Variants in PACSIN1 observed in about 807,000 individuals in gnomAD.
PACSIN1 encodes the protein protein kinase C and casein kinase substrate in neurons protein 1.
PACSIN1 carries 15 observed loss-of-function variants against 59.5 expected under a neutral mutation model. The ratio of observed to expected loss-of-function variants is 0.25; its 90% CI spans 0.17 to 0.39. PACSIN1 has a LOEUF of 0.39. PACSIN1 is among the 10% of genes least tolerant of loss of function. PACSIN1 has a pLI of 1.00. For synonymous variants in PACSIN1, 210 were observed against 220.6 expected (o/e 0.95, Z 0.42); for missense variants, 420 against 580.2 (o/e 0.72, Z 2.84).
chr6:34,506,228 AT>A (rs927251893), intron 1 of PACSIN1, among the ~76,000 whole-genome samples: 3 of 150,426 alleles, frequency 2.0e-5, no homozygotes, highest in African/African-American at 7.3e-5. Flanking sequence ...TTCCTTTTTT[AT>A]TTTTTTGAGA....
At chr6:34,476,451 T>C (rs1301339480) in intron 1 of PACSIN1, among the ~76,000 whole-genome samples, 1 of 146,978 alleles carries the variant, frequency 6.8e-6, no homozygotes, top group African/African-American at 2.5e-5. Flanking sequence ...CAGCAGGATA[T>C]CTGGTGTCAC....
intron 1 of PACSIN1, among the ~76,000 whole-genome samples, chr6:34,474,962 C>T (rs1258187316): frequency 6.6e-6 from 1 of 152,126 alleles, no homozygotes; most frequent in African/African-American, 2.4e-5. Flanking sequence ...TTCCCTATGC[C>T]TGGAATTCTC....
intron 1 of PACSIN1, among the ~76,000 whole-genome samples, chr6:34,468,672 C>G (rs963081108): frequency 6.6e-6 from 1 of 152,328 alleles, no homozygotes; most frequent in Non-Finnish European, 1.5e-5. Flanking sequence ...CTCTCACCCT[C>G]GGGAGTCCAC....
intron 1 of PACSIN1, among the ~76,000 whole-genome samples, chr6:34,489,924 G>T (rs1365897869): frequency 1.3e-5 from 2 of 152,196 alleles, no homozygotes; most frequent in Non-Finnish European, 1.5e-5. Flanking sequence ...TTCTGGGGTT[G>T]CAGGGTCCTT....
Sources: gnomAD v4.1 joint callset for allele counts (sites outside exome capture counted in the v4.1 genomes callset) on GRCh38, gnomAD v4.1.1 for gene constraint, MANE v1.5 for transcripts, NCBI Gene and HGNC (gene_info 2026-07-23, HGNC 2026-07-21) for gene names.